Variants in CRYBG1 observed in about 807,000 individuals in gnomAD.
CRYBG1 encodes the protein beta/gamma crystallin domain-containing protein 1.
A neutral mutation model predicts 189.2 loss-of-function variants in CRYBG1; 139 were observed. That is an observed-to-expected ratio of 0.73 (90% CI 0.64 to 0.85). CRYBG1 has a LOEUF of 0.85. Among genes scored for constraint, CRYBG1 ranks in the 40% least tolerant of loss-of-function variants. The pLI is 0.00. For missense variants in CRYBG1, 2,611 were observed against 2,675.8 expected (o/e 0.98, Z 0.53); for synonymous variants, 1,023 against 1,017.1 (o/e 1.01, Z -0.11).
intron 2 of CRYBG1, among the ~76,000 whole-genome samples, chr6:106,463,816 C>T (rs1374647765): frequency 1.3e-5 from 2 of 152,316 alleles, no homozygotes; most frequent in South Asian, 2.1e-4. Context: ...GTCACTCTGC[C>T]ATTGTGCCTA....
intron 21 of CRYBG1, 109 bp from the exon 22 acceptor site, chr6:106,568,363 C>A: frequency 2.3e-6 from 2 of 888,354 alleles, no homozygotes; most frequent in East Asian, 2.4e-5. Flanking sequence ...TGCAGTTCTA[C>A]ACCTTGTTTA....
intron 1 of CRYBG1, among the ~76,000 whole-genome samples, chr6:106,418,618 G>A (rs1202160177): frequency 6.6e-6 from 1 of 152,156 alleles, no homozygotes; most frequent in Non-Finnish European, 1.5e-5. Flanking sequence ...GTCATGACAG[G>A]TGTCTTGGCA....
chr6:106,366,970 T>C (rs1256915791), intron 1 of CRYBG1, among the ~76,000 whole-genome samples: 6 of 152,362 alleles, frequency 3.9e-5, no homozygotes, highest in African/African-American at 1.4e-4. Context: ...TGGATGTTCA[T>C]GTTGGTCTCT....
intron 1 of CRYBG1, among the ~76,000 whole-genome samples, chr6:106,382,111 C>T (rs1443436326): frequency 2.6e-5 from 4 of 152,178 alleles, no homozygotes; most frequent in Non-Finnish European, 5.9e-5. Context: ...GAGGGGCAGG[C>T]TTCTGAGCTC....
chr6:106,402,977 C>T (rs966842266), intron 1 of CRYBG1, among the ~76,000 whole-genome samples: 5 of 152,142 alleles, frequency 3.3e-5, no homozygotes, highest in African/African-American at 1.2e-4. Flanking sequence ...TCAGGACCGT[C>T]TCATGTATCT....
At chr6:106,430,350 A>G (rs1351046611) in intron 1 of CRYBG1, among the ~76,000 whole-genome samples, 5 of 152,100 alleles carry the variant, frequency 3.3e-5, no homozygotes, top group East Asian at 1.9e-4. Flanking sequence ...GCAGTAAGCC[A>G]TGATGGTGCC....
In CRYBG1 at chr6:106,511,691, G is replaced by A. The variant is rs1336458884; in HGVS notation, c.574G>A (p.Glu192Lys). Reference protein sequence around the residue: ...EEGSPRENPREAEGELPESGG... With the variant: ...EEGSPRENPRKAEGELPESGG... ...GGGCTCCCCGCGGGAGAATCCCCGA[G>A]AGGCAGAGGGCGAGCTCCCCGAGAG... Residue 192 changes from glutamate to lysine, a missense_variant, in exon 3 of 22, where the codon GAG (glutamate) becomes AAG (lysine). Glu to Lys is a moderately conservative substitution (Grantham distance 56, BLOSUM62 1). Transcript: ENST00000633556. The A allele has an allele frequency of 8.5e-6, 13 of 1,535,164 alleles. No homozygotes were observed. In the South Asian group the frequency reaches 1.1e-4, roughly 13 times the overall value.
intron 1 of CRYBG1, among the ~76,000 whole-genome samples, chr6:106,411,338 A>G (rs982368730): frequency 3.3e-5 from 5 of 152,178 alleles, no homozygotes; most frequent in African/African-American, 1.2e-4. Flanking sequence ...GTTGATTTAC[A>G]TGGGAGTCCT....
rs753670046 is a variant in CRYBG1, at chr6:106,519,259, T to C, written c.2051T>C (p.Phe684Ser). The stretch of plus-strand genomic sequence containing the variant: ...AACACTGCCACCAAAATCTCCTTAT[T>C]TGAAAACAAACGGACAAACAGTAGC... The part of the protein sequence containing the change: ...KGNTATKISL[F>S]ENKRTNSSPR... Residue 684 changes from phenylalanine to serine, a missense_variant, in exon 4 of 22, where the codon TTT (phenylalanine) becomes TCT (serine). Physicochemically the swap from Phe to Ser is radical, Grantham distance 155. Coordinates refer to ENST00000633556, the MANE Select transcript of CRYBG1 (RefSeq NM_001371242.2). The C allele has an allele frequency of 1.1e-5, 18 of 1,613,922 alleles. No homozygotes were observed. Among genetic ancestry groups the C allele is most frequent in the Non-Finnish European group, 1.4e-5 (16 of 1,180,022 alleles).
At chr6:106,436,537 A>G (rs1021057789) in intron 1 of CRYBG1, among the ~76,000 whole-genome samples, 28 of 151,988 alleles carry the variant, frequency 1.8e-4, no homozygotes, top group Non-Finnish European at 2.6e-4. Flanking sequence ...CTCGTGATCC[A>G]CCCACCTTGG....
intron 2 of CRYBG1, among the ~76,000 whole-genome samples, chr6:106,482,054 G>A (rs1346291076): frequency 2.6e-5 from 4 of 151,486 alleles, no homozygotes; most frequent in African/African-American, 4.9e-5. Flanking sequence ...GTGTACTTTC[G>A]CTGTGTCCTC....
At chr6:106,521,526 A>C in intron 4 of CRYBG1, 73 bp downstream of exon 4, 2 of 1,427,416 alleles carry the variant, frequency 1.4e-6, no homozygotes, top group Non-Finnish European at 1.9e-6. Flanking sequence ...TGAGCAACTC[A>C]TGTTATTCTT....
intron 1 of CRYBG1, among the ~76,000 whole-genome samples, chr6:106,434,281 C>G (rs1027252520): frequency 2.0e-5 from 3 of 152,020 alleles, no homozygotes; most frequent in African/African-American, 7.3e-5. Context: ...AGAGAGGACA[C>G]GGGCGTAAAT....
intron 1 of CRYBG1, among the ~76,000 whole-genome samples, chr6:106,411,799 G>A (rs566547134): frequency 6.6e-6 from 1 of 152,146 alleles, no homozygotes; most frequent in Non-Finnish European, 1.5e-5. Flanking sequence ...GCCCCTGGGA[G>A]GCCGCTGATT....
rs568198377 is a variant in CRYBG1 at position 106,492,782 on chromosome 6, G to A, written c.313-18648G>A. On this transcript the variant is annotated intron_variant, in intron 2 of 21. Transcript: ENST00000633556. ...TTCCTTCCCTTTTACCTCAAACTGA[G>A]TTCTTAATGTAAGAGACTTGTCCTT... is the stretch of plus-strand genomic sequence containing the variant. Among the ~76,000 whole-genome samples the A allele has an allele frequency of 9.9e-5, 15 of 152,032 alleles. No individual in the cohort carries two copies. In the South Asian group the frequency reaches 3.1e-3, roughly 32 times the overall value.
At chr6:106,510,499 C>A (rs907041378) in intron 2 of CRYBG1, among the ~76,000 whole-genome samples, 1 of 152,234 alleles carries the variant, frequency 6.6e-6, no homozygotes, top group Admixed American at 6.5e-5. Context: ...TTCCTGGGAG[C>A]GCTGCGGATC....
At chr6:106,526,960 G>GAAAAAAAAAAAAAAAAAAAAAAAAA (rs1773752447) in intron 6 of CRYBG1, among the ~76,000 whole-genome samples, 1 of 109,242 alleles carries the variant, frequency 9.2e-6, no homozygotes. Flanking sequence ...AAAAAAAAAA[G>GAAAAAAAAAAAAAAAAAAAAAAAAA]AGACAAAAAA....
intron 2 of CRYBG1, among the ~76,000 whole-genome samples, chr6:106,498,038 T>G: frequency 6.6e-6 from 1 of 150,644 alleles, no homozygotes; most frequent in East Asian, 1.9e-4. Context: ...GAGGCAGAGG[T>G]TGCATTGAGC....
chr6:106,434,905 TA>T (rs1771426523), intron 1 of CRYBG1, among the ~76,000 whole-genome samples: 2 of 152,362 alleles, frequency 1.3e-5, no homozygotes, highest in Admixed American at 6.5e-5. Flanking sequence ...AGTTTCAGTT[TA>T]TGGATTTGTT....
Sources: gnomAD v4.1 joint callset for allele counts (sites outside exome capture counted in the v4.1 genomes callset) on GRCh38, gnomAD v4.1.1 for gene constraint, MANE v1.5 for transcripts, NCBI Gene and HGNC (gene_info 2026-07-23, HGNC 2026-07-21) for gene names.